CADM2: variants seen among roughly 807,000 people sequenced by gnomAD.
CADM2 encodes immunoglobulin superfamily member 4D.
In CADM2, 12 loss-of-function variants were observed where a neutral mutation model predicts 49.8. The observed-to-expected ratio is 0.24, with a 90% confidence interval of 0.15 to 0.39. The LOEUF (loss-of-function observed/expected upper bound fraction) is 0.39, where lower values mean the gene tolerates loss of function less well. Ranked by LOEUF, CADM2 falls within the 10% of genes least tolerant of loss-of-function variation. The pLI is 1.00. For missense variants in CADM2, 378 were observed against 492.3 expected, an observed-to-expected ratio of 0.77 and a Z score of 2.20; for synonymous variants, 214 against 175.4, an observed-to-expected ratio of 1.22 and a Z score of -1.74.
chr3:85,927,768 G>C (rs138933207), intron 6 of CADM2, among the ~76,000 whole-genome samples: 4 of 152,266 alleles, frequency 2.6e-5, no homozygotes, highest in African/African-American at 9.6e-5. Flanking sequence ...AACAGGTTAA[G>C]TGTTGATTTT....
chr3:85,598,252 G>C lies in CADM2; in HGVS notation c.62-128270G>C, dbSNP rs1292768331. Among the ~76,000 whole-genome samples the C allele has an allele frequency of 4.6e-5, 7 of 151,872 alleles. 1 individual carries two copies. The highest frequency in any genetic ancestry group is 1.3e-4 in the Admixed American group (2 of 15,192). On this transcript the variant is annotated intron_variant, in intron 1 of 9. Transcript: ENST00000383699. The stretch of plus-strand genomic sequence containing the variant: ...AAACTTTACTTCAGCATTCAGGCTG[G>C]GCTTTAATCTTGCTTAGAAACTCTC...
chr3:85,714,643 G>C (rs1463609898), intron 1 of CADM2, among the ~76,000 whole-genome samples: 1 of 151,936 alleles, frequency 6.6e-6, no homozygotes, highest in Non-Finnish European at 1.5e-5. Flanking sequence ...TGTTAGCTAG[G>C]ATGGTCTCGA....
chr3:85,605,421 T>G (rs942259720), intron 1 of CADM2, among the ~76,000 whole-genome samples: 22 of 151,970 alleles, frequency 1.4e-4, no homozygotes, highest in African/African-American at 5.1e-4. Context: ...CTGAAGACAG[T>G]GTAATCAGAG....
Position 85,529,028 on chromosome 3 carries a change from C to G in CADM2, c.62-197494C>G, listed in dbSNP as rs1201321989. On this transcript the variant is annotated intron_variant, in intron 1 of 9. Coordinates refer to ENST00000383699, the MANE Select transcript of CADM2 (RefSeq NM_001167675.2). Reference sequence around the variant, plus strand: ...CACTTTATTTAGTCATGTAACAACCCTGTCAGAAAAGGAATTATTAGAACA... The same window carrying G: ...CACTTTATTTAGTCATGTAACAACCGTGTCAGAAAAGGAATTATTAGAACA... 2.0e-5 allele frequency among the ~76,000 whole-genome samples: 3 copies of G among 152,134 alleles called. No individual in the cohort carries two copies. The East Asian group carries it at 5.8e-4, about 29-fold the overall frequency.
chr3:85,879,257 T>A (rs1028989547), intron 3 of CADM2, among the ~76,000 whole-genome samples: 2 of 151,982 alleles, frequency 1.3e-5, no homozygotes, highest in Non-Finnish European at 2.9e-5. Context: ...ACATTTTTTT[T>A]AAAGTGTGCT....
intron 1 of CADM2, among the ~76,000 whole-genome samples, chr3:85,009,683 C>T (rs565130980): frequency 1.4e-4 from 21 of 151,928 alleles, no homozygotes; most frequent in South Asian, 1.2e-3. Flanking sequence ...CTGGACAACA[C>T]GGTGAAACCC....
At chr3:85,992,444 T>C (rs1379509012) in intron 8 of CADM2, 5 of 152,162 alleles carry the variant, frequency 3.3e-5, no homozygotes, top group Admixed American at 2.0e-4. Context: ...TTTGCATTTG[T>C]TGTTAGGTAT....
chr3:86,055,142 C>T (rs1444483229), intron 8 of CADM2, among the ~76,000 whole-genome samples: 1 of 152,106 alleles, frequency 6.6e-6, no homozygotes, highest in Non-Finnish European at 1.5e-5. Context: ...AGGCTTGTTG[C>T]AGGATGTCTA....
rs368949584 is a variant in CADM2 at position 86,026,174 on chromosome 3, CA to C, written c.971-39428del. ...TTTTCAAGAAGTTAGATAATAGTTT[CA>C]AAGTCTCACAACTTGGGAAAAATGC... On this transcript the variant is annotated intron_variant, in intron 8 of 9. Coordinates refer to ENST00000383699, the MANE Select transcript of CADM2 (RefSeq NM_001167675.2). Among the ~76,000 whole-genome samples, 306 of 152,168 alleles carry C rather than the reference CA, an allele frequency of 2.0e-3. 1 individual carries two copies. The highest frequency in any genetic ancestry group is 6.5e-3 in the African/African-American group (270 of 41,516).
At chr3:85,576,933 G>T (rs759736190) in intron 1 of CADM2, among the ~76,000 whole-genome samples, 13 of 151,980 alleles carry the variant, frequency 8.6e-5, no homozygotes, top group Non-Finnish European at 1.3e-4. Flanking sequence ...ACCAAGAAGA[G>T]ACAGCAACAA....
Position 85,811,752 on chromosome 3 carries a change from T to C in CADM2, c.238+9556T>C, listed in dbSNP as rs574929010. ...AAGTGGGATGATGAACTGGCTAGAC[T>C]CAGACTGAGTAGATAGTCACCACCA... On this transcript the variant is annotated intron_variant, in intron 3 of 9. Coordinates refer to ENST00000383699, the MANE Select transcript of CADM2 (RefSeq NM_001167675.2). 2.0e-4 allele frequency among the ~76,000 whole-genome samples: 30 copies of C among 152,112 alleles called. No individual in the cohort carries two copies. The South Asian group carries it at 5.4e-3, about 27-fold the overall frequency.
intron 1 of CADM2, among the ~76,000 whole-genome samples, chr3:85,576,670 T>C (rs2107272484): frequency 6.6e-6 from 1 of 152,240 alleles, no homozygotes; most frequent in South Asian, 2.1e-4. Flanking sequence ...GGAGTTAATG[T>C]TATAATTTTT....
chr3:85,644,665 G>A (rs1409984358), intron 1 of CADM2, among the ~76,000 whole-genome samples: 1 of 152,106 alleles, frequency 6.6e-6, no homozygotes, highest in African/African-American at 2.4e-5. Flanking sequence ...TGGAATGACC[G>A]TTTTGGTCAT....
chr3:85,842,025 T>C (rs750528599), intron 3 of CADM2, among the ~76,000 whole-genome samples: 3 of 152,152 alleles, frequency 2.0e-5, no homozygotes, highest in Non-Finnish European at 2.9e-5. Flanking sequence ...ACATTACTTG[T>C]ATGTTATGCT....
At chr3:85,244,287 G>A (rs1035805432) in intron 1 of CADM2, among the ~76,000 whole-genome samples, 2 of 152,010 alleles carry the variant, frequency 1.3e-5, no homozygotes, top group African/African-American at 2.4e-5. Flanking sequence ...GAAGGATAAT[G>A]TCTCTCTTGG....
chr3:85,726,983 C>T (rs551713757), intron 2 of CADM2, among the ~76,000 whole-genome samples: 12 of 151,984 alleles, frequency 7.9e-5, no homozygotes, highest in East Asian at 3.9e-4. Context: ...TATAAGCTAT[C>T]GATTTCTATT....
chr3:85,332,575 G>A (rs2044959729), intron 1 of CADM2, among the ~76,000 whole-genome samples: 1 of 151,602 alleles, frequency 6.6e-6, no homozygotes, highest in Admixed American at 6.6e-5. Context: ...GTCAGTTGTT[G>A]GACTTAGTTA....
At chr3:85,663,318 G>T (rs376414459) in intron 1 of CADM2, among the ~76,000 whole-genome samples, 1 of 151,976 alleles carries the variant, frequency 6.6e-6, no homozygotes, top group Non-Finnish European at 1.5e-5. Context: ...TAGGCTCATA[G>T]CCTTGTTGGT....
At chr3:85,955,069 G>GT (rs1388563116) in intron 7 of CADM2, among the ~76,000 whole-genome samples, 1 of 151,320 alleles carries the variant, frequency 6.6e-6, no homozygotes, top group African/African-American at 2.4e-5. Context: ...AAGGCATAAA[G>GT]TTACTGACTA....
Sources: allele counts gnomAD v4.1 joint callset (sites outside exome capture counted in the v4.1 genomes callset), GRCh38; gene constraint gnomAD v4.1.1; transcripts MANE v1.5; gene names NCBI Gene and HGNC (gene_info 2026-07-23, HGNC 2026-07-21).